The following DENND1B variants were observed in gnomAD, a reference collection of about 807,000 sequenced individuals.
DENND1B encodes DENN domain containing 1B.
A neutral mutation model predicts 90.1 loss-of-function variants in DENND1B; 59 were observed. The ratio of observed to expected loss-of-function variants is 0.65; its 90% CI spans 0.53 to 0.81. The LOEUF (loss-of-function observed/expected upper bound fraction) is 0.81. Among genes scored for constraint, DENND1B ranks in the 40% least tolerant of loss-of-function variants. DENND1B has a pLI of 0.00. For synonymous variants in DENND1B, 337 were observed against 324.6 expected (o/e 1.04, Z -0.41); for missense variants, 862 against 912.6 (o/e 0.94, Z 0.71).
chr1:197,654,309 A>T (rs1275467475), intron 6 of DENND1B, among the ~76,000 whole-genome samples: 2 of 152,044 alleles, frequency 1.3e-5, no homozygotes, highest in Admixed American at 6.6e-5. Context: ...AGTCACAAGG[A>T]TATTAGAAAA....
intron 10 of DENND1B, among the ~76,000 whole-genome samples, chr1:197,620,365 C>T (rs1042735697): frequency 2.0e-5 from 3 of 151,276 alleles, no homozygotes; most frequent in Non-Finnish European, 4.4e-5. Context: ...CTGCCACCAA[C>T]AAGCCATGTG....
intron 2 of DENND1B, among the ~76,000 whole-genome samples, chr1:197,729,246 G>A (rs1359937877): frequency 6.6e-6 from 1 of 152,012 alleles, no homozygotes. Context: ...AAATTTTAAT[G>A]TACACTTCAT....
intron 3 of DENND1B, among the ~76,000 whole-genome samples, chr1:197,687,993 T>C (rs1657433025): frequency 6.6e-6 from 1 of 152,054 alleles, no homozygotes; most frequent in African/African-American, 2.4e-5. Flanking sequence ...AAAATCAACA[T>C]ACAAAATCAG....
intron 2 of DENND1B, among the ~76,000 whole-genome samples, chr1:197,754,692 A>T (rs1306307107): frequency 2.0e-5 from 3 of 150,470 alleles, no homozygotes; most frequent in East Asian, 1.9e-4. Context: ...AAAAAAACTG[A>T]TACAGTAAAT....
chr1:197,567,794 T>C (rs1267764738), intron 15 of DENND1B, among the ~76,000 whole-genome samples: 3 of 152,114 alleles, frequency 2.0e-5, no homozygotes, highest in Non-Finnish European at 4.4e-5. Flanking sequence ...AAATTATGTA[T>C]AAAATAATTT....
At chr1:197,682,010 G>C (rs1656740878) in intron 3 of DENND1B, among the ~76,000 whole-genome samples, 1 of 151,598 alleles carries the variant, frequency 6.6e-6, no homozygotes, top group Non-Finnish European at 1.5e-5. Context: ...ACCTAGTTCA[G>C]AACTATCCCT....
intron 13 of DENND1B, chr1:197,605,660 G>C (rs1676610138): frequency 6.6e-6 from 1 of 150,858 alleles, no homozygotes; most frequent in South Asian, 2.1e-4. Flanking sequence ...ATTTCTTTGT[G>C]ATTTTGTTTT....
chr1:197,671,033 A>G (rs903809231), intron 5 of DENND1B, among the ~76,000 whole-genome samples: 1 of 152,194 alleles, frequency 6.6e-6, no homozygotes, highest in African/African-American at 2.4e-5. Flanking sequence ...GCTCTAACCA[A>G]TGTTGTAAGT....
intron 10 of DENND1B, among the ~76,000 whole-genome samples, chr1:197,632,752 C>A (rs931106501): frequency 6.6e-6 from 1 of 152,126 alleles, no homozygotes; most frequent in Non-Finnish European, 1.5e-5. Context: ...CAGAAGAATG[C>A]TTCTACTTTA....
intron 16 of DENND1B, among the ~76,000 whole-genome samples, chr1:197,551,267 A>T (rs1221891593): frequency 6.6e-6 from 1 of 152,128 alleles, no homozygotes; most frequent in Non-Finnish European, 1.5e-5. Flanking sequence ...AGAATAATTT[A>T]AAAATAATGC....
At chr1:197,647,259 T>C in intron 7 of DENND1B, 145 bp from the exon 8 acceptor site, 1 of 430,176 alleles carries the variant, frequency 2.3e-6, no homozygotes, top group African/African-American at 2.1e-5. Flanking sequence ...AAGTATTATT[T>C]TAAATGCTGA....
chr1:197,549,304 C>T (rs938766831), intron 16 of DENND1B, among the ~76,000 whole-genome samples: 2 of 151,856 alleles, frequency 1.3e-5, no homozygotes, highest in African/African-American at 4.8e-5. Flanking sequence ...TTCAACAAGG[C>T]CAGAAAAATG....
Position 197,658,385 on chromosome 1 carries a change from T to C in DENND1B, c.297-16A>G. On this transcript the variant is annotated splice_polypyrimidine_tract_variant and intron_variant, in intron 5 of 22. Coordinates refer to ENST00000620048, the MANE Select transcript of DENND1B (RefSeq NM_001195215.2). ...GGGAAGGTAACTGTAAAATAATTAT[T>C]TTAAAATGTATATACATAAAATTCA... 5 of 1,521,184 alleles carry C rather than the reference T, an allele frequency of 3.3e-6. No individual in the cohort carries two copies. The highest frequency in any genetic ancestry group is 4.5e-6 in the Non-Finnish European group (5 of 1,102,554). 94.2% of individuals were successfully genotyped at this position (1,521,184 alleles called of 1,614,324 possible). A position where few individuals can be genotyped will look rare whatever the true frequency, so the allele number is the denominator to read the frequency against.
At chr1:197,567,862 G>A (rs373592768) in intron 15 of DENND1B, among the ~76,000 whole-genome samples, 1 of 151,984 alleles carries the variant, frequency 6.6e-6, no homozygotes, top group South Asian at 2.1e-4. Flanking sequence ...AATAGTCAAT[G>A]GTAAAAAGCT....
At chr1:197,649,662 CCACATGTAGGAGAATGAAACTGGATCCT>C (rs1558354620) in intron 7 of DENND1B, among the ~76,000 whole-genome samples, 5 of 152,214 alleles carry the variant, frequency 3.3e-5, no homozygotes, top group Non-Finnish European at 7.4e-5. Context: ...AATTGGCTAG[CCACATGTAGGAGAATGAAACTGGATCCT>C]CATCTCTCAG....
At chr1:197,735,989 TA>T in intron 2 of DENND1B, 1 of 1,134,952 alleles carries the variant, frequency 8.8e-7, no homozygotes, top group African/African-American at 1.6e-5. Flanking sequence ...CAAAAAAGGC[TA>T]AGCAAAGTAT....
At chr1:197,590,630 C>G (rs533816402) in intron 14 of DENND1B, among the ~76,000 whole-genome samples, 1 of 152,226 alleles carries the variant, frequency 6.6e-6, no homozygotes, top group South Asian at 2.1e-4. Flanking sequence ...CCAGCTTAGA[C>G]GTTTTAAGTA....
At chr1:197,686,551 G>A (rs74828254) in intron 3 of DENND1B, among the ~76,000 whole-genome samples, 124 of 152,182 alleles carry the variant, frequency 8.1e-4, no homozygotes, top group Non-Finnish European at 1.2e-3. Flanking sequence ...TACAATGTGT[G>A]ACACCTCGCT....
rs555482051 is a variant in DENND1B, at chr1:197,510,714, C to T, written c.2074G>A (p.Glu692Lys). The change falls in exon 23 of 23, where the codon GAA (glutamate) becomes AAA (lysine). Residue 692 changes from glutamate to lysine, a missense_variant. Glu to Lys is a moderately conservative substitution (Grantham distance 56). Transcript: ENST00000620048. ...SGLDFQLTSP[E>K]VSQTDKGKTE... ...TTTCCTTTATCAGTCTGGGAAACTT[C>T]AGGGGAAGTGAGTTGGAAATCCAGT... 2.5e-6 allele frequency: 4 copies of T among 1,612,632 alleles called. No individual in the cohort carries two copies. The highest frequency in any genetic ancestry group is 1.7e-5 in the Admixed American group (1 of 59,826).
Sources: gnomAD v4.1 joint callset for allele counts (sites outside exome capture counted in the v4.1 genomes callset) on GRCh38, gnomAD v4.1.1 for gene constraint, MANE v1.5 for transcripts, NCBI Gene and HGNC (gene_info 2026-07-23, HGNC 2026-07-21) for gene names.